Variants in SF3B3 observed in about 807,000 individuals in gnomAD.
SF3B3 encodes SAP 130.
In SF3B3, 33 loss-of-function variants were observed where a neutral mutation model predicts 139.2. That is an observed-to-expected ratio of 0.24 (90% CI 0.18 to 0.32). The LOEUF (loss-of-function observed/expected upper bound fraction) is 0.32. Among genes scored for constraint, SF3B3 ranks in the 10% least tolerant of loss-of-function variants. The pLI is 1.00. For synonymous variants in SF3B3, 596 were observed against 563.6 expected (o/e 1.06, Z -0.81); for missense variants, 818 against 1,509.4 (o/e 0.54, Z 7.59).
At chr16:70,541,529 C>G in intron 8 of SF3B3, 140 bp from the exon 9 acceptor site, 2 of 634,720 alleles carry the variant, frequency 3.2e-6, no homozygotes, top group East Asian at 2.7e-5. Flanking sequence ...TCCTAGCTGT[C>G]GTACTTAGTG....
At position 70,568,296 on chromosome 16, in the gene SF3B3, A is replaced by G. The variant is rs756174860; in HGVS notation, c.2966A>G (p.Tyr989Cys). ...RKCENKHIANYISGIQTIGHR... is the reference protein window; with the variant it reads ...RKCENKHIANCISGIQTIGHR... ...TGTTTTTCCCAGCATATTGCCAATT[A>G]TATCTCTGGGATCCAGACTATCGGA... Residue 989 changes from tyrosine (Y) to cysteine (C), a missense_variant, in exon 22 of 26, where the codon TAT (tyrosine) becomes TGT (cysteine). Tyr to Cys is a radical substitution (Grantham distance 194). Transcript: ENST00000302516. 4 of 1,611,614 alleles carry G rather than the reference A, an allele frequency of 2.5e-6. No homozygotes were observed. The highest frequency in any genetic ancestry group is 2.7e-5 in the African/African-American group (2 of 74,874).
intron 8 of SF3B3, among the ~76,000 whole-genome samples, chr16:70,540,397 T>G (rs372358116): frequency 5.9e-5 from 9 of 151,774 alleles, no homozygotes; most frequent in East Asian, 3.9e-4. Context: ...TTTTTGGTTG[T>G]TTGTTTGTTT....
In SF3B3 at chr16:70,538,415, G is replaced by A; in HGVS notation, c.918G>A (p.Glu306=). The change falls in exon 7 of 26, where the codon GAG becomes GAA. Residue 306 remains glutamate (E), a synonymous_variant. Transcript: ENST00000302516. ...KSMFFFLAQT[E]QGDIFKITLE... is the part of the protein sequence containing the mutation. ...TGTTCTTCTTTTTGGCTCAAACTGA[G>A]CAGGGAGATATCTTTAAGATCACTT... is the stretch of plus-strand genomic sequence containing the variant. The A allele has an allele frequency of 6.2e-7, 1 of 1,613,960 alleles. No homozygotes were observed. The highest frequency in any genetic ancestry group is 8.5e-7 in the Non-Finnish European group (1 of 1,179,846).
chr16:70,541,668 GTTAC>G lies in SF3B3; in HGVS notation c.1071_1074del (p.Leu358IlefsTer54). The G allele has an allele frequency of 6.2e-7, 1 of 1,612,828 alleles. No individual in the cohort carries two copies. The highest frequency in any genetic ancestry group is 8.5e-7 in the Non-Finnish European group (1 of 1,179,168). On this transcript the variant is annotated frameshift_variant and splice_region_variant, in exon 9 of 26. Coordinates refer to ENST00000302516, the MANE Select transcript of SF3B3 (RefSeq NM_012426.5). LOFTEE classifies it high-confidence loss of function. ...AGTTTCTCTCCTCTGCTTCTTCCCAGTTACTTATATCAAATTGCACATCTTGGAG... is the reference window on the plus strand; with the variant it reads ...AGTTTCTCTCCTCTGCTTCTTCCCAGTTATATCAAATTGCACATCTTGGAG...
chr16:70,551,527 A>G (rs2089012247), intron 11 of SF3B3, among the ~76,000 whole-genome samples: 1 of 152,000 alleles, frequency 6.6e-6, no homozygotes, highest in Admixed American at 6.6e-5. Context: ...ATATGGAGAA[A>G]CCCTGTCTCT....
At chr16:70,530,706 A>G in intron 3 of SF3B3, 39 bp from the exon 4 acceptor site, 2 of 1,541,832 alleles carry the variant, frequency 1.3e-6, no homozygotes, top group Non-Finnish European at 1.8e-6. Context: ...TCTTCTCATT[A>G]TCTGGGAATC....
intron 22 of SF3B3, among the ~76,000 whole-genome samples, chr16:70,568,711 C>T (rs1379246047): frequency 2.0e-5 from 3 of 152,106 alleles, no homozygotes; most frequent in East Asian, 1.9e-4. Flanking sequence ...CCCTATTGAA[C>T]GTGATTTAAT....
In SF3B3 at chr16:70,544,447, C is replaced by G. The variant is rs766373726; in HGVS notation, c.1243C>G (p.Leu415Val). 13 of 1,608,132 alleles carry G rather than the reference C, an allele frequency of 8.1e-6. No individual in the cohort carries two copies. Among genetic ancestry groups the G allele is most frequent in the Non-Finnish European group, 1.0e-5 (12 of 1,174,850 alleles). ...SPILFCQIAD[L>V]ANEDTPQLYV... ...CTTTTTCTCTGTGCAGATAGCTGATCTGGCCAATGAAGATACTCCACAGTT... is the reference window on the plus strand; with the variant it reads ...CTTTTTCTCTGTGCAGATAGCTGATGTGGCCAATGAAGATACTCCACAGTT... Residue 415 changes from leucine (L) to valine (V), a missense_variant, in exon 10 of 26, where the codon CTG becomes GTG. Coordinates refer to ENST00000302516, the MANE Select transcript of SF3B3 (RefSeq NM_012426.5).
In SF3B3 at chr16:70,576,343, C is replaced by T. The variant is rs2050580480; in HGVS notation, c.*4530C>T. The T allele has an allele frequency of 2.1e-5, 3 of 143,058 alleles. No individual in the cohort carries two copies. Among genetic ancestry groups the T allele is most frequent in the Non-Finnish European group, 3.0e-5 (2 of 65,602 alleles). 8.9% of individuals were successfully genotyped at this position (143,058 alleles called of 1,614,324 possible). On this transcript the variant is annotated 3_prime_UTR_variant, in exon 26 of 26. Transcript: ENST00000302516. ...CCGTATGCAGCATCTCTGGCGGTGC[C>T]CAGAGGCAAGCCCCCTTCAGTTTCC...
intron 20 of SF3B3, 79 bp downstream of exon 20, chr16:70,565,603 C>T: frequency 1.5e-6 from 2 of 1,322,112 alleles, no homozygotes; most frequent in Admixed American, 2.1e-5. Context: ...TGGATCAGGT[C>T]TTTTGGGGAC....
At chr16:70,536,303 G>A (rs1405904883) in intron 6 of SF3B3, among the ~76,000 whole-genome samples, 2 of 151,790 alleles carry the variant, frequency 1.3e-5, no homozygotes, top group African/African-American at 2.4e-5. Flanking sequence ...ATGTAGCCAG[G>A]ATTACAGGCA....
intron 14 of SF3B3, 180 bp downstream of exon 14, chr16:70,556,514 G>T: frequency 1.5e-6 from 1 of 677,442 alleles, no homozygotes; most frequent in Non-Finnish European, 2.5e-6. Flanking sequence ...TCCTGCTGTG[G>T]TTTAAGGATA....
chr16:70,539,887 C>T (rs1450295686), intron 8 of SF3B3, among the ~76,000 whole-genome samples: 2 of 151,100 alleles, frequency 1.3e-5, no homozygotes, highest in Non-Finnish European at 2.9e-5. Flanking sequence ...AGCAATTCTC[C>T]TGCCTCAGAC....
At chr16:70,552,546 AG>A in intron 11 of SF3B3, among the ~76,000 whole-genome samples, 1 of 152,322 alleles carries the variant, frequency 6.6e-6, no homozygotes, top group African/African-American at 2.4e-5. Context: ...ACGTTCCCAA[AG>A]CATTTGATAT....
intron 2 of SF3B3, chr16:70,527,144 GAT>G (rs2050072059): frequency 6.0e-6 from 1 of 167,264 alleles, no homozygotes; most frequent in Non-Finnish European, 1.3e-5. Flanking sequence ...TGCTTGAAGA[GAT>G]AGAACTTTTG....
intron 16 of SF3B3, 181 bp from the exon 17 acceptor site, chr16:70,561,449 A>G (rs776039168): frequency 3.2e-4 from 191 of 593,888 alleles, no homozygotes; most frequent in Middle Eastern, 8.4e-4. Context: ...TGCTTTTCAC[A>G]TATGCTAAGC....
intron 2 of SF3B3, among the ~76,000 whole-genome samples, chr16:70,527,904 T>G (rs760626559): frequency 3.9e-5 from 6 of 151,912 alleles, no homozygotes; most frequent in Non-Finnish European, 7.4e-5. Flanking sequence ...GCCTCCTGAG[T>G]AGCTGGGATT....
chr16:70,541,774 A>C lies in SF3B3; in HGVS notation c.1173A>C (p.Pro391=). Residue 391 remains proline (P), a synonymous_variant, in exon 9 of 26, where the codon CCA becomes CCC. Transcript: ENST00000302516. ...EGDTFFFQPR[P]LKNLVLVDEL... ...ACACATTCTTTTTTCAGCCAAGACCACTTAAAAACCTTGTGCTGGTTGATG... is the reference window on the plus strand; with the variant it reads ...ACACATTCTTTTTTCAGCCAAGACCCCTTAAAAACCTTGTGCTGGTTGATG... 6.2e-7 allele frequency: 1 copy of C among 1,614,154 alleles called. No homozygotes were observed. Among genetic ancestry groups the C allele is most frequent in the Non-Finnish European group, 8.5e-7 (1 of 1,180,002 alleles).
Position 70,551,584 on chromosome 16 carries a change from C to G in SF3B3, c.1403-2862C>G, listed in dbSNP as rs1359880015. On this transcript the variant is annotated intron_variant, in intron 11 of 25. Coordinates refer to ENST00000302516, the MANE Select transcript of SF3B3 (RefSeq NM_012426.5). ...GGGTGTGGTGGCACATGCCTGTAAT[C>G]CTAGCTACTAGAGAGGCTGAGGCAG... Among the ~76,000 whole-genome samples, 8 of 152,168 alleles carry G rather than the reference C, an allele frequency of 5.3e-5. 1 individual carries two copies. Among genetic ancestry groups the G allele is most frequent in the African/African-American group, 1.7e-4 (7 of 41,428 alleles).
Sources: allele counts gnomAD v4.1 joint callset (sites outside exome capture counted in the v4.1 genomes callset), GRCh38; gene constraint gnomAD v4.1.1; transcripts MANE v1.5; gene names NCBI Gene and HGNC (gene_info 2026-07-23, HGNC 2026-07-21).